Variants in ATP11B observed in about 807,000 individuals in gnomAD.
ATP11B encodes phospholipid-transporting ATPase IF.
ATP11B carries 81 observed loss-of-function variants against 157.8 expected under a neutral mutation model. That is an observed-to-expected ratio of 0.51 (90% CI 0.43 to 0.62). ATP11B has a LOEUF of 0.62. ATP11B is among the 20% of genes least tolerant of loss of function. The pLI is 0.00. For synonymous variants in ATP11B, 451 were observed against 469.4 expected (o/e 0.96, Z 0.51); for missense variants, 1,165 against 1,402.2 (o/e 0.83, Z 2.70).
At chr3:182,822,581 T>G (rs144390864) in intron 2 of ATP11B, among the ~76,000 whole-genome samples, 3,021 of 152,344 alleles carry the variant, frequency 0.02, 95 homozygotes, top group African/African-American at 0.07. Flanking sequence ...TAAATACACG[T>G]GTGCATGTGT....
intron 2 of ATP11B, among the ~76,000 whole-genome samples, chr3:182,823,547 G>A (rs537070239): frequency 0.011 from 1,625 of 152,120 alleles, 32 homozygotes; most frequent in African/African-American, 0.037. Flanking sequence ...GTCAGGTAGC[G>A]TGATGTCTTC....
chr3:182,820,946 A>G (rs1220628668), intron 2 of ATP11B, among the ~76,000 whole-genome samples: 2 of 152,226 alleles, frequency 1.3e-5, no homozygotes, highest in Non-Finnish European at 2.9e-5. Context: ...CATATCATTT[A>G]ATCCTTACAA....
chr3:182,841,775 G>A (rs1321010686), intron 7 of ATP11B, among the ~76,000 whole-genome samples: 3 of 151,534 alleles, frequency 2.0e-5, no homozygotes, highest in Non-Finnish European at 2.9e-5. Context: ...TCAGGAGATC[G>A]AGACCATCCT....
chr3:182,902,536 C>G (rs1248581661), intron 28 of ATP11B: 2 of 1,289,128 alleles, frequency 1.6e-6, no homozygotes, highest in Admixed American at 4.6e-5. Context: ...CAGCCATTGT[C>G]GAGGGCAAGG....
intron 1 of ATP11B, among the ~76,000 whole-genome samples, chr3:182,807,106 C>A (rs1393268954): frequency 6.6e-6 from 1 of 152,004 alleles, no homozygotes; most frequent in African/African-American, 2.4e-5. Context: ...AAATGTAGAC[C>A]TTCCCAAAGC....
At chr3:182,914,246 A>G (rs1724995936) in intron 29 of ATP11B, 1 of 1,257,790 alleles carries the variant, frequency 8.0e-7, no homozygotes, top group South Asian at 2.1e-5. Context: ...TTTGTTTCAT[A>G]ATCTTTCTAA....
At chr3:182,844,020 C>CT (rs1324184687) in intron 8 of ATP11B, 1 of 152,124 alleles carries the variant, frequency 6.6e-6, no homozygotes, top group Admixed American at 6.5e-5. Flanking sequence ...GATACATAGT[C>CT]TGAGTTGCAT....
intron 20 of ATP11B, 130 bp downstream of exon 20, chr3:182,879,779 C>A: frequency 1.3e-6 from 1 of 760,288 alleles, no homozygotes; most frequent in Non-Finnish European, 1.9e-6. Flanking sequence ...TCAGTCACAT[C>A]TCATGTTGTA....
intron 1 of ATP11B, among the ~76,000 whole-genome samples, chr3:182,799,363 G>A (rs987034353): frequency 2.0e-5 from 3 of 150,724 alleles, no homozygotes; most frequent in Admixed American, 1.3e-4. Flanking sequence ...CTGCAAGTTC[G>A]CCTCCTGGGT....
At chr3:182,827,576 T>A (rs1340594234) in intron 2 of ATP11B, among the ~76,000 whole-genome samples, 1 of 151,986 alleles carries the variant, frequency 6.6e-6, no homozygotes, top group Non-Finnish European at 1.5e-5. Flanking sequence ...GATTTTCGTA[T>A]CCTTTATGAA....
At chr3:182,843,796 A>G (rs1032076007) in intron 8 of ATP11B, 4 of 152,220 alleles carry the variant, frequency 2.6e-5, no homozygotes, top group African/African-American at 4.8e-5. Context: ...ATAAGTCACT[A>G]TAACAGAAAG....
chr3:182,862,942 G>A (rs1050870176), intron 12 of ATP11B, among the ~76,000 whole-genome samples: 33 of 151,592 alleles, frequency 2.2e-4, no homozygotes, highest in African/African-American at 7.3e-4. Flanking sequence ...TTGAGACAGA[G>A]TCTCACTCTG....
chr3:182,853,168 C>T (rs529908489), intron 10 of ATP11B, among the ~76,000 whole-genome samples: 1 of 152,096 alleles, frequency 6.6e-6, no homozygotes, highest in African/African-American at 2.4e-5. Context: ...CTATAATAAG[C>T]AAGTTGGTCT....
At chr3:182,865,120 T>G (rs1721131129) in intron 12 of ATP11B, among the ~76,000 whole-genome samples, 2 of 152,130 alleles carry the variant, frequency 1.3e-5, no homozygotes, top group Admixed American at 6.5e-5. Context: ...GCTTTAGAGA[T>G]AATTCTTAGA....
chr3:182,863,779 A>G (rs1428778550), intron 12 of ATP11B, among the ~76,000 whole-genome samples: 1 of 152,002 alleles, frequency 6.6e-6, no homozygotes, highest in African/African-American at 2.4e-5. Context: ...TTTTTTCTAA[A>G]GAATCCTCCA....
intron 1 of ATP11B, among the ~76,000 whole-genome samples, chr3:182,799,956 A>G (rs1042586822): frequency 6.6e-6 from 1 of 152,078 alleles, no homozygotes; most frequent in African/African-American, 2.4e-5. Context: ...TACAAAAATT[A>G]AAAATTAGCT....
chr3:182,893,341 C>G (rs1331780250), intron 25 of ATP11B, among the ~76,000 whole-genome samples: 3 of 152,058 alleles, frequency 2.0e-5, no homozygotes, highest in Non-Finnish European at 4.4e-5. Context: ...TCCTCACCCC[C>G]TCCCACCCTT....
At chr3:182,798,022 A>T (rs564508652) in intron 1 of ATP11B, among the ~76,000 whole-genome samples, 1 of 152,252 alleles carries the variant, frequency 6.6e-6, no homozygotes, top group Admixed American at 6.5e-5. Context: ...TTGTAGTCTC[A>T]GCTGCTTGGA....
intron 1 of ATP11B, among the ~76,000 whole-genome samples, chr3:182,797,473 C>T (rs960504129): frequency 6.6e-6 from 1 of 152,060 alleles, no homozygotes; most frequent in Non-Finnish European, 1.5e-5. Context: ...TTTGGGAGGC[C>T]GAGACAGGCA....
Sources: gnomAD v4.1 joint callset for allele counts (sites outside exome capture counted in the v4.1 genomes callset) on GRCh38, gnomAD v4.1.1 for gene constraint, MANE v1.5 for transcripts, NCBI Gene and HGNC (gene_info 2026-07-23, HGNC 2026-07-21) for gene names.